Variants in PLA2G4F observed in about 807,000 individuals in gnomAD.
PLA2G4F encodes the protein cytosolic phospholipase A2 zeta.
Under a neutral mutation model 103.1 loss-of-function variants are expected in PLA2G4F, and 105 were observed. The ratio of observed to expected loss-of-function variants is 1.02; its 90% confidence interval spans 0.87 to 1.20. The LOEUF is 1.20. Ranked by LOEUF, PLA2G4F falls within the 50% of genes most tolerant of loss-of-function variation. The pLI is 0.00. For synonymous variants in PLA2G4F, 468 were observed against 441.1 expected, an observed-to-expected ratio of 1.06 and a Z score of -0.76; for missense variants, 1,155 against 1,075.9, an observed-to-expected ratio of 1.07 and a Z score of -1.03.
chr15:42,144,815 AACG>A (rs2048865019), intron 16 of PLA2G4F, among the ~76,000 whole-genome samples, 171 bp from the exon 17 acceptor site: 1 of 152,150 alleles, frequency 6.6e-6, no homozygotes, highest in African/African-American at 2.4e-5. Context: ...ACCACTTTGA[AACG>A]ACTTTTTCTT....
At chr15:42,152,794 G>C in intron 6 of PLA2G4F, 40 bp from the exon 7 acceptor site, 2 of 1,539,244 alleles carry the variant, frequency 1.3e-6, no homozygotes, top group South Asian at 2.4e-5. Flanking sequence ...GACAGCCCAC[G>C]GCCCCAGCCA....
Position 42,143,500 on chromosome 15 carries a change from C to T in PLA2G4F, c.2142+478G>A, listed in dbSNP as rs74981005. ...AGGAAGGGCTGCTCCAGCAGCACCA[C>T]CAGCACCCACATGGGAATGGGGGCA... On this transcript the variant is annotated intron_variant, in intron 18 of 19. Transcript: ENST00000397272. Among the ~76,000 whole-genome samples, 37 of 152,328 alleles carry T rather than the reference C, an allele frequency of 2.4e-4. No homozygotes were observed. The East Asian group carries it at 5.8e-3, about 24-fold the overall frequency.
At chr15:42,150,170 G>C (rs375147680) in intron 9 of PLA2G4F, 29 bp from the exon 10 acceptor site, 3 of 1,613,988 alleles carry the variant, frequency 1.9e-6, no homozygotes, top group Non-Finnish European at 2.5e-6. Flanking sequence ...CCAACCCTGA[G>C]TTCTCTGGGC....
chr15:42,154,227 A>G lies in PLA2G4F; in HGVS notation c.322-7T>C. 1.2e-6 allele frequency: 2 copies of G among 1,614,150 alleles called. No homozygotes were observed. The highest frequency in any genetic ancestry group is 1.7e-6 in the Non-Finnish European group (2 of 1,180,008). ...GGGTGAGCTCCAGGACGTTCTGGGG[A>G]CAAGGCAGGCAGGAGGTCCGAGCAT... On this transcript the variant is annotated splice_polypyrimidine_tract_variant and splice_region_variant and intron_variant, in intron 3 of 19. Coordinates refer to ENST00000397272, the MANE Select transcript of PLA2G4F (RefSeq NM_213600.4).
Position 42,150,403 on chromosome 15 carries a change from C to A in PLA2G4F, c.855G>T (p.Gln285His), listed in dbSNP as rs1427162921. The A allele has an allele frequency of 6.2e-7, 1 of 1,612,922 alleles. No individual in the cohort carries two copies. Among genetic ancestry groups the A allele is most frequent in the Non-Finnish European group, 8.5e-7 (1 of 1,179,772 alleles). Residue 285 changes from glutamine to histidine, a missense_variant, in exon 9 of 20, where the codon CAG becomes CAT. Around this residue, in one of 3 missense-constraint regions of PLA2G4F, gnomAD observed 370 missense variants for 364.9 expected, o/e 1.01. Transcript: ENST00000397272. The stretch of plus-strand genomic sequence containing the variant: ...CCAGGGCCACAGAACACTGTTCCTC[C>A]TGGCCTAGGGGCAGAGAGGAGAGCA... ...GILLSSLPLGQEEQCSVALGE... is the reference protein window; with the variant it reads ...GILLSSLPLGHEEQCSVALGE...
At chr15:42,152,109 C>T in intron 7 of PLA2G4F, among the ~76,000 whole-genome samples, 1 of 152,198 alleles carries the variant, frequency 6.6e-6, no homozygotes. Context: ...GGTTTGACAA[C>T]CCCAGTTCTT....
rs1566882477 is a variant in PLA2G4F at position 42,154,348 on chromosome 15, G to GGAA, written c.292_294dup (p.Phe98dup). 1 of 1,610,498 alleles carries GGAA rather than the reference G, an allele frequency of 6.2e-7. No homozygotes were observed. Among genetic ancestry groups the GGAA allele is most frequent in the South Asian group, 1.1e-5 (1 of 90,754 alleles). ...TTCACAGCACCATGGATCTGGTAGT[G>GGAA]GAAGGTCTCATTCCACTCGGGGTCA... On this transcript the variant is annotated inframe_insertion, in exon 3 of 20. Coordinates refer to ENST00000397272, the MANE Select transcript of PLA2G4F (RefSeq NM_213600.4).
chr15:42,154,305 C>T lies in PLA2G4F; in HGVS notation c.321+17G>A, dbSNP rs2048990008. On this transcript the variant is annotated intron_variant, in intron 3 of 19. Transcript: ENST00000397272. ...AGGAGTTCCCCTCCCGCAGCCTGGC[C>T]CCTGGCTGGCCCTCACCTTCACAGC... is the stretch of plus-strand genomic sequence containing the variant. 2 of 1,608,072 alleles carry T rather than the reference C, an allele frequency of 1.2e-6. No homozygotes were observed. Among genetic ancestry groups the T allele is most frequent in the South Asian group, 2.2e-5 (2 of 90,580 alleles).
At chr15:42,143,911 C>T in intron 18 of PLA2G4F, 67 bp downstream of exon 18, 1 of 1,502,254 alleles carries the variant, frequency 6.7e-7, no homozygotes, top group Non-Finnish European at 9.0e-7. Flanking sequence ...CTTTCCCCTC[C>T]TCTCCTCCCT....
intron 1 of PLA2G4F, among the ~76,000 whole-genome samples, chr15:42,156,025 G>A (rs1001730654): frequency 6.6e-6 from 1 of 152,132 alleles, no homozygotes; most frequent in African/African-American, 2.4e-5. Flanking sequence ...AGGAGGCAGC[G>A]AGCAGGTGAG....
intron 12 of PLA2G4F, 56 bp from the exon 13 acceptor site, chr15:42,147,402 A>AG: frequency 6.6e-7 from 1 of 1,522,730 alleles, no homozygotes; most frequent in South Asian, 1.1e-5. Context: ...CACGGGAGAG[A>AG]GGGGTGCAGA....
chr15:42,150,457 C>T lies in PLA2G4F; in HGVS notation c.801G>A (p.Gln267=). ...QSGPSAELEA[Q]TSKLGEGGIL... ...TGCCCCCCTCGCCCAGCTTGCTGGT[C>T]TGAGCCTCCAACTCTGCGCTGGGGC... Residue 267 remains glutamine, a synonymous_variant, in exon 9 of 20, where the codon CAG becomes CAA. Transcript: ENST00000397272. 4 of 1,613,450 alleles carry T rather than the reference C, an allele frequency of 2.5e-6. No homozygotes were observed. The highest frequency in any genetic ancestry group is 1.1e-5 in the South Asian group (1 of 90,896).
Position 42,150,405 on chromosome 15 carries a change from G to A in PLA2G4F, c.853C>T (p.Gln285Ter), listed in dbSNP as rs759090981. 15 of 1,612,744 alleles carry A rather than the reference G, an allele frequency of 9.3e-6. No individual in the cohort carries two copies. In the East Asian group the frequency reaches 3.3e-4, roughly 36 times the overall value. Residue 285 changes from glutamine (Q) to a stop codon, truncating the protein, a stop_gained, in exon 9 of 20, where the codon CAG becomes TAG. Coordinates refer to ENST00000397272, the MANE Select transcript of PLA2G4F (RefSeq NM_213600.4). LOFTEE classifies it high-confidence loss of function. ...AGGGCCACAGAACACTGTTCCTCCT[G>A]GCCTAGGGGCAGAGAGGAGAGCAGG... ...GILLSSLPLG[Q>*]EEQCSVALGE...
At chr15:42,151,686 T>C in intron 7 of PLA2G4F, 1 of 973,820 alleles carries the variant, frequency 1.0e-6, no homozygotes, top group Non-Finnish European at 1.2e-6. Context: ...ATAAGGAAAG[T>C]GATATTTTAT....
intron 7 of PLA2G4F, 151 bp downstream of exon 7, chr15:42,152,537 A>G (rs2048971237): frequency 1.2e-6 from 1 of 825,084 alleles, no homozygotes; most frequent in East Asian, 2.7e-5. Flanking sequence ...CAGGTTGTTC[A>G]CTGCCTCCAG....
chr15:42,146,588 T>C, intron 13 of PLA2G4F: 2 of 258,432 alleles, frequency 7.7e-6, no homozygotes, highest in Non-Finnish European at 1.5e-5. Context: ...AAAACGTGGA[T>C]TATTTACTTA....
chr15:42,156,135 G>A (rs2049012776), intron 1 of PLA2G4F, among the ~76,000 whole-genome samples: 1 of 152,056 alleles, frequency 6.6e-6, no homozygotes, highest in Non-Finnish European at 1.5e-5. Context: ...GCTGCCTACT[G>A]GGAGGGAAAC....
chr15:42,147,050 G>C, intron 13 of PLA2G4F, 74 bp downstream of exon 13: 4 of 1,376,410 alleles, frequency 2.9e-6, no homozygotes, highest in African/African-American at 2.9e-5. Context: ...TAGCCTGAGG[G>C]ATGAGGCAGA....
At chr15:42,143,181 A>T (rs1437371962) in intron 18 of PLA2G4F, among the ~76,000 whole-genome samples, 1 of 63,248 alleles carries the variant, frequency 1.6e-5, no homozygotes, top group African/African-American at 4.7e-5. Context: ...CCATCTAAAA[A>T]AAAAAAAAAA....
Sources: gnomAD v4.1 joint callset for allele counts (sites outside exome capture counted in the v4.1 genomes callset) on GRCh38, gnomAD v4.1.1 for gene constraint, gnomAD v4.1.1 regional missense constraint, MANE v1.5 for transcripts, NCBI Gene and HGNC (gene_info 2026-07-23, HGNC 2026-07-21) for gene names.